Variants in CRPPA observed in about 807,000 individuals in gnomAD.
CRPPA encodes the protein CDP-L-ribitol pyrophosphorylase A.
Under a neutral mutation model 52.0 loss-of-function variants are expected in CRPPA, and 43 were observed. The ratio of observed to expected loss-of-function variants is 0.83; its 90% CI spans 0.65 to 1.07. CRPPA has a LOEUF of 1.07. Among genes scored for constraint, CRPPA ranks in the 50% least tolerant of loss-of-function variants. CRPPA has a pLI of 0.00. For missense variants in CRPPA, 629 were observed against 551.7 expected, an observed-to-expected ratio of 1.14 and a Z score of -1.40; for synonymous variants, 250 against 203.5, an observed-to-expected ratio of 1.23 and a Z score of -1.94.
intron 3 of CRPPA, among the ~76,000 whole-genome samples, chr7:16,371,297 T>A (rs1786743009): frequency 1.3e-5 from 2 of 152,078 alleles, no homozygotes; most frequent in African/African-American, 4.8e-5. Context: ...TTAAACTGTA[T>A]ACCACAACAG....
At position 16,090,847 on chromosome 7, in the gene CRPPA, A is replaced by T. The variant is rs961099883; in HGVS notation, c.*848T>A. 2.6e-5 allele frequency: 4 copies of T among 152,244 alleles called. No individual in the cohort carries two copies. The highest frequency in any genetic ancestry group is 9.6e-5 in the African/African-American group (4 of 41,460). 9.4% of individuals were successfully genotyped at this position (152,244 alleles called of 1,614,324 possible). ...ATTAATATTTCAGATGTATATACCA[A>T]TGAAAACTGGAAATAAGAACTTGAT... On this transcript the variant is annotated 3_prime_UTR_variant, in exon 10 of 10. Transcript: ENST00000407010.
chr7:16,366,099 C>T (rs1338285104), intron 3 of CRPPA, among the ~76,000 whole-genome samples: 2 of 152,180 alleles, frequency 1.3e-5, no homozygotes, highest in Non-Finnish European at 2.9e-5. Flanking sequence ...AGGACCCATT[C>T]CTGATAGATA....
chr7:16,374,219 G>A (rs1786821142), intron 3 of CRPPA, among the ~76,000 whole-genome samples: 1 of 152,152 alleles, frequency 6.6e-6, no homozygotes, highest in African/African-American at 2.4e-5. Flanking sequence ...GAAGCAGGCA[G>A]AAGAAGGTGG....
intron 9 of CRPPA, among the ~76,000 whole-genome samples, chr7:16,147,200 C>T (rs554221214): frequency 6.6e-6 from 1 of 152,178 alleles, no homozygotes; most frequent in Non-Finnish European, 1.5e-5. Context: ...GTCCATTAAA[C>T]CTCTTTCCTT....
intron 8 of CRPPA, among the ~76,000 whole-genome samples, chr7:16,242,863 A>G (rs1320668589): frequency 6.6e-6 from 1 of 152,182 alleles, no homozygotes; most frequent in Non-Finnish European, 1.5e-5. Flanking sequence ...CAGTTAAAAG[A>G]CTGCATAGAA....
At chr7:16,192,319 G>A (rs1398475216) in intron 9 of CRPPA, among the ~76,000 whole-genome samples, 2 of 151,976 alleles carry the variant, frequency 1.3e-5, no homozygotes, top group Non-Finnish European at 2.9e-5. Flanking sequence ...TGATATGTAA[G>A]GTTCTGAGGC....
chr7:16,207,776 C>T (rs552939960), intron 9 of CRPPA, among the ~76,000 whole-genome samples: 9 of 152,176 alleles, frequency 5.9e-5, no homozygotes, highest in Admixed American at 2.6e-4. Flanking sequence ...AAAATCAAAT[C>T]CCATTTTAAA....
rs187163965 is a variant in CRPPA, at chr7:16,375,407, A to G, written c.684+685T>C. 2.7e-3 allele frequency among the ~76,000 whole-genome samples: 410 copies of G among 152,352 alleles called. 3 individuals are homozygous for G. The highest frequency in any genetic ancestry group is 3.4e-3 in the Middle Eastern group (1 of 294). ...AAACAAATGACAATAAAATTATGTA[A>G]GTACAGCAGCATTTCCAAAACATGA... is the stretch of plus-strand genomic sequence containing the variant. On this transcript the variant is annotated intron_variant, in intron 3 of 9. Transcript: ENST00000407010.
chr7:16,380,722 G>A (rs1297947410), intron 2 of CRPPA, among the ~76,000 whole-genome samples: 4 of 152,154 alleles, frequency 2.6e-5, no homozygotes, highest in East Asian at 1.9e-4. Flanking sequence ...GACTTGGGAG[G>A]GTGTATGTGT....
intron 9 of CRPPA, among the ~76,000 whole-genome samples, chr7:16,142,725 T>C (rs1266598004): frequency 6.6e-6 from 1 of 152,228 alleles, no homozygotes; most frequent in Non-Finnish European, 1.5e-5. Context: ...GAGAATAATA[T>C]ATAATTTAAA....
chr7:16,128,794 A>C (rs1434000994), intron 9 of CRPPA, among the ~76,000 whole-genome samples: 1 of 152,190 alleles, frequency 6.6e-6, no homozygotes, highest in Non-Finnish European at 1.5e-5. Flanking sequence ...ATAACAGATT[A>C]TGATAATTAT....
intron 9 of CRPPA, among the ~76,000 whole-genome samples, chr7:16,171,553 T>C (rs1230521345): frequency 2.0e-5 from 3 of 152,002 alleles, no homozygotes; most frequent in African/African-American, 7.2e-5. Flanking sequence ...GATCACGAGG[T>C]CAGGAAATCG....
intron 9 of CRPPA, among the ~76,000 whole-genome samples, chr7:16,183,688 C>T (rs1781453225): frequency 6.6e-6 from 1 of 151,976 alleles, no homozygotes; most frequent in Non-Finnish European, 1.5e-5. Flanking sequence ...GTGTAATGGC[C>T]TATGGTATAG....
intron 3 of CRPPA, among the ~76,000 whole-genome samples, chr7:16,360,724 C>T (rs542228662): frequency 1.0e-3 from 156 of 152,240 alleles, no homozygotes; most frequent in Middle Eastern, 0.01. Flanking sequence ...CAAAAGTTAA[C>T]TCAAACTGGA....
intron 3 of CRPPA, among the ~76,000 whole-genome samples, chr7:16,356,802 C>A (rs1407383330): frequency 1.3e-5 from 2 of 152,122 alleles, no homozygotes; most frequent in Admixed American, 6.6e-5. Flanking sequence ...GACCTATTTT[C>A]TTAACATGAG....
At chr7:16,407,875 G>C (rs13247112) in intron 1 of CRPPA, among the ~76,000 whole-genome samples, 10 of 152,240 alleles carry the variant, frequency 6.6e-5, no homozygotes, top group Admixed American at 5.9e-4. Context: ...GGGAGGCTGA[G>C]GCAGGTGGAT....
chr7:16,420,528 AAGCCCTTTCCACC>A (rs1788301581), intron 1 of CRPPA, among the ~76,000 whole-genome samples: 1 of 152,138 alleles, frequency 6.6e-6, no homozygotes, highest in Admixed American at 6.5e-5. Context: ...TTCAGGCTTA[AAGCCCTTTCCACC>A]ATTGAAAGGT....
chr7:16,185,477 G>A (rs1235526133), intron 9 of CRPPA, among the ~76,000 whole-genome samples: 4 of 152,110 alleles, frequency 2.6e-5, no homozygotes, highest in African/African-American at 4.8e-5. Context: ...TTATAGTAGT[G>A]TTATTATAAC....
chr7:16,277,364 C>CAAAAAAAAAAAAAAAAA (rs35386502), intron 6 of CRPPA: 1 of 77,740 alleles, frequency 1.3e-5, no homozygotes, highest in Non-Finnish European at 2.4e-5. Flanking sequence ...GACTCCATCT[C>CAAAAAAAAAAAAAAAAA]AAAAAAAAAA....
Sources: allele counts gnomAD v4.1 joint callset (sites outside exome capture counted in the v4.1 genomes callset), GRCh38; gene constraint gnomAD v4.1.1; transcripts MANE v1.5; gene names NCBI Gene and HGNC (gene_info 2026-07-23, HGNC 2026-07-21).